Variants in CLDN14 observed in about 807,000 individuals in gnomAD.
The protein encoded by CLDN14 is claudin-14.
CLDN14 carries 2 observed loss-of-function variants against 2.1 expected under a neutral mutation model. The observed-to-expected ratio is 0.96, with a 90% CI of 0.39 to 3.01. CLDN14 has a LOEUF of 3.01. Among genes scored for constraint, CLDN14 ranks in the 30% most tolerant of loss-of-function variants. CLDN14 has a pLI of 0.09. For missense variants in CLDN14, 298 were observed against 328.0 expected (o/e 0.91, Z 0.71); for synonymous variants, 136 against 154.4 (o/e 0.88, Z 0.88).
At chr21:36,508,345 T>C (rs74645646) in intron 2 of CLDN14, among the ~76,000 whole-genome samples, 1,643 of 152,240 alleles carry the variant, frequency 0.011, 28 homozygotes, top group African/African-American at 0.037. Flanking sequence ...GTTGCCTTCA[T>C]GGAAATGATG....
intron 1 of CLDN14, among the ~76,000 whole-genome samples, chr21:36,547,011 C>T (rs571134907): frequency 9.2e-5 from 14 of 152,294 alleles, no homozygotes; most frequent in East Asian, 1.9e-4. Context: ...TGCCCTACAA[C>T]GCACAGGACA....
intron 1 of CLDN14, among the ~76,000 whole-genome samples, chr21:36,555,641 C>G (rs955821447): frequency 3.3e-5 from 5 of 152,240 alleles, no homozygotes; most frequent in African/African-American, 4.8e-5. Context: ...GGGCTCCAGA[C>G]GTTTTCTCGT....
Position 36,498,765 on chromosome 21 carries a change from C to T in CLDN14, c.-82+11598G>A, listed in dbSNP as rs1323560448. Reference sequence around the variant, plus strand: ...AATACAGACACGGGAAAACCAGTCTCAGTTCAGGTCTGGGCCCCACTGGCT... The same window carrying T: ...AATACAGACACGGGAAAACCAGTCTTAGTTCAGGTCTGGGCCCCACTGGCT... On this transcript the variant is annotated intron_variant, in intron 2 of 2. Transcript: ENST00000342108. The surrounding 1 kb of genome is among the most constrained non-coding windows in gnomAD (Gnocchi z 4.9). Among the ~76,000 whole-genome samples, 2 of 152,180 alleles carry T rather than the reference C, an allele frequency of 1.3e-5. No homozygotes were observed. The highest frequency in any genetic ancestry group is 4.8e-5 in the African/African-American group (2 of 41,454).
chr21:36,474,869 G>C (rs576933251), intron 1 of CLDN14, among the ~76,000 whole-genome samples: 1 of 152,338 alleles, frequency 6.6e-6, no homozygotes, highest in African/African-American at 2.4e-5. Flanking sequence ...CGGGAGGGGA[G>C]GCGGGAGCAG....
At chr21:36,505,422 C>A (rs2087124084) in intron 2 of CLDN14, among the ~76,000 whole-genome samples, 1 of 152,166 alleles carries the variant, frequency 6.6e-6, no homozygotes, top group South Asian at 2.1e-4. Flanking sequence ...AGCCATCATA[C>A]TCCTGAATAA....
intron 1 of CLDN14, among the ~76,000 whole-genome samples, chr21:36,567,737 C>A (rs2087683432): frequency 6.6e-6 from 1 of 152,204 alleles, no homozygotes; most frequent in Non-Finnish European, 1.5e-5. Context: ...AGGCTCCATT[C>A]ACCTCAAATC....
intron 1 of CLDN14, among the ~76,000 whole-genome samples, chr21:36,522,629 G>A (rs956329171): frequency 2.0e-5 from 3 of 152,216 alleles, no homozygotes; most frequent in Non-Finnish European, 4.4e-5. Flanking sequence ...GGAGGTAACC[G>A]GAGAACAGCG....
At chr21:36,559,172 G>GTTTTATTTTA (rs143202991) in intron 1 of CLDN14, among the ~76,000 whole-genome samples, 8 of 148,868 alleles carry the variant, frequency 5.4e-5, no homozygotes, top group East Asian at 4.0e-4. Flanking sequence ...TTTGTTGAGA[G>GTTTTATTTTA]TTTTATTTTA....
chr21:36,518,387 G>T (rs1300870347), intron 1 of CLDN14, among the ~76,000 whole-genome samples: 3 of 152,154 alleles, frequency 2.0e-5, no homozygotes, highest in African/African-American at 7.2e-5. Flanking sequence ...GATCACCTGA[G>T]GTCAGGAGTT....
intron 1 of CLDN14, among the ~76,000 whole-genome samples, chr21:36,549,152 T>C (rs2087546182): frequency 6.6e-6 from 1 of 152,146 alleles, no homozygotes; most frequent in Admixed American, 6.5e-5. Context: ...GGTGTTTTTT[T>C]TTTTTTTTAA....
chr21:36,540,068 G>A (rs2087474898), intron 1 of CLDN14, among the ~76,000 whole-genome samples: 1 of 150,260 alleles, frequency 6.7e-6, no homozygotes, highest in Non-Finnish European at 1.5e-5. Context: ...TATGTGTGTG[G>A]AGTGAGTGTG....
upstream of CLDN14, chr21:36,481,219 G>A (rs776109706): frequency 1.3e-5 from 2 of 152,100 alleles, no homozygotes; most frequent in Non-Finnish European, 2.9e-5. Context: ...ACCTGACAAC[G>A]AAATAGACCT....
At chr21:36,481,199 G>A (rs1049007730), upstream of CLDN14, 1 of 152,064 alleles carries the variant, frequency 6.6e-6, no homozygotes, top group Non-Finnish European at 1.5e-5. Flanking sequence ...GTAAAACCAC[G>A]CAGAATTTTA....
At chr21:36,541,209 C>T (rs1568875459) in intron 1 of CLDN14, among the ~76,000 whole-genome samples, 1 of 152,116 alleles carries the variant, frequency 6.6e-6, no homozygotes, top group East Asian at 1.9e-4. Context: ...ATACCTCCTA[C>T]CTTTCCGTCA....
Position 36,499,852 on chromosome 21 carries a change from C to T in CLDN14, c.-82+10511G>A, listed in dbSNP as rs1416432718. Reference sequence around the variant, plus strand: ...CAGGGCTGCTGTCATCTCCTGATGACGAGCAACATTTTCACAACATCAGGG... The same window carrying T: ...CAGGGCTGCTGTCATCTCCTGATGATGAGCAACATTTTCACAACATCAGGG... On this transcript the variant is annotated intron_variant, in intron 2 of 2. Transcript: ENST00000342108. The surrounding 1 kb of genome is among the most constrained non-coding windows in gnomAD (Gnocchi z 4.7). Among the ~76,000 whole-genome samples, 1 of 151,906 alleles carries T rather than the reference C, an allele frequency of 6.6e-6. No individual in the cohort carries two copies. The highest frequency in any genetic ancestry group is 1.9e-4 in the East Asian group (1 of 5,182).
intron 1 of CLDN14, among the ~76,000 whole-genome samples, chr21:36,565,469 A>T (rs1241343026): frequency 1.3e-5 from 2 of 152,066 alleles, no homozygotes; most frequent in Non-Finnish European, 2.9e-5. Flanking sequence ...AGATTCATAA[A>T]GCTTAAGATT....
chr21:36,504,101 G>C (rs1298264656), intron 2 of CLDN14, among the ~76,000 whole-genome samples: 1 of 150,164 alleles, frequency 6.7e-6, no homozygotes, highest in African/African-American at 2.5e-5. Flanking sequence ...CACTTTGGGA[G>C]GCCAAAGTGG....
chr21:36,511,005 C>T (rs1201219147), intron 1 of CLDN14, among the ~76,000 whole-genome samples: 1 of 152,162 alleles, frequency 6.6e-6, no homozygotes, highest in African/African-American at 2.4e-5. Flanking sequence ...CAATGTTTGT[C>T]CTCAATAAAT....
chr21:36,570,663 T>C (rs1220387813), intron 1 of CLDN14, among the ~76,000 whole-genome samples: 2 of 152,186 alleles, frequency 1.3e-5, no homozygotes, highest in African/African-American at 2.4e-5. Context: ...AAACAATAGA[T>C]TGGCATAAAT....
Sources: allele counts gnomAD v4.1 joint callset (sites outside exome capture counted in the v4.1 genomes callset), GRCh38; gene constraint gnomAD v4.1.1; non-coding constraint Gnocchi (gnomAD v3.1); transcripts MANE v1.5; gene names NCBI Gene and HGNC (gene_info 2026-07-23, HGNC 2026-07-21).